MAP4K4: variants seen among roughly 807,000 people sequenced by gnomAD.
MAP4K4 encodes the protein HPK/GCK-like kinase HGK.
Under a neutral mutation model 189.6 loss-of-function variants are expected in MAP4K4, and 38 were observed. That is an observed-to-expected ratio of 0.20 (90% CI 0.15 to 0.26). The LOEUF (loss-of-function observed/expected upper bound fraction) is 0.26, where lower values mean the gene tolerates loss of function less well. Ranked by LOEUF, MAP4K4 falls within the 10% of genes least tolerant of loss-of-function variation. The pLI, the probability that MAP4K4 is intolerant of heterozygous loss-of-function variation, is 1.00. For synonymous variants in MAP4K4, 610 were observed against 624.3 expected, an observed-to-expected ratio of 0.98 and a Z score of 0.34; for missense variants, 1,054 against 1,726.9, an observed-to-expected ratio of 0.61 and a Z score of 6.91.
intron 1 of MAP4K4, 98 bp from the exon 2 acceptor site, chr2:101,698,375 C>T (rs2149088947): frequency 8.4e-7 from 1 of 1,185,020 alleles, no homozygotes. Context: ...CGAAGCCCAC[C>T]TCTTTTGTCA....
intron 3 of MAP4K4, among the ~76,000 whole-genome samples, chr2:101,820,669 G>GT: frequency 6.6e-6 from 1 of 152,184 alleles, no homozygotes; most frequent in Non-Finnish European, 1.5e-5. Flanking sequence ...CCACTACCGT[G>GT]TGCTAAGTCT....
chr2:101,893,758 C>G (rs1023896801), exon 33 of MAP4K4: 1 of 154,342 alleles, frequency 6.5e-6, no homozygotes, highest in African/African-American at 2.4e-5. Context: ...TTACCAAGTG[C>G]TTAGAACTTG....
intron 2 of MAP4K4, among the ~76,000 whole-genome samples, chr2:101,766,462 C>CT (rs1019442456): frequency 8.5e-5 from 13 of 152,106 alleles, no homozygotes; most frequent in African/African-American, 2.9e-4. Context: ...GGCTCCCAGT[C>CT]TTTGGGGGTG....
chr2:101,806,617 A>G (rs532512299), intron 3 of MAP4K4, among the ~76,000 whole-genome samples: 1 of 152,176 alleles, frequency 6.6e-6, no homozygotes, highest in South Asian at 2.1e-4. Flanking sequence ...TGACCTCGTG[A>G]TCCGCCCGCC....
exon 33 of MAP4K4, chr2:101,892,793 C>T (rs1176658628): frequency 2.4e-6 from 1 of 421,264 alleles, no homozygotes; most frequent in Non-Finnish European, 4.9e-6. Flanking sequence ...TAATAAATGT[C>T]TTGAGAAAGA....
At chr2:101,852,276 T>C (rs2097310779) in intron 12 of MAP4K4, among the ~76,000 whole-genome samples, 1 of 152,172 alleles carries the variant, frequency 6.6e-6, no homozygotes, top group Admixed American at 6.5e-5. Flanking sequence ...GAGACCTAAA[T>C]GGATTCCTGA....
intron 2 of MAP4K4, among the ~76,000 whole-genome samples, chr2:101,761,410 C>G (rs2076327873): frequency 6.6e-6 from 1 of 152,062 alleles, no homozygotes; most frequent in Admixed American, 6.6e-5. Flanking sequence ...GCCCAGTCAT[C>G]TAGCATACAT....
chr2:101,797,889 G>GTGTTTTTTTGTTT (rs1553478618), intron 3 of MAP4K4, among the ~76,000 whole-genome samples: 1 of 52,304 alleles, frequency 1.9e-5, no homozygotes, highest in African/African-American at 7.6e-5. Flanking sequence ...CATTCTTTTA[G>GTGTTTTTTTGTTT]TTTTTTTTTT....
intron 18 of MAP4K4, among the ~76,000 whole-genome samples, chr2:101,865,852 A>G (rs1301255212): frequency 6.6e-6 from 1 of 152,206 alleles, no homozygotes; most frequent in Non-Finnish European, 1.5e-5. Context: ...AGCACTGCTA[A>G]TGGCAGGGGG....
At chr2:101,769,846 T>C (rs1239073315) in intron 2 of MAP4K4, among the ~76,000 whole-genome samples, 1 of 152,028 alleles carries the variant, frequency 6.6e-6, no homozygotes, top group Non-Finnish European at 1.5e-5. Context: ...CCTCCTAGAG[T>C]GCTGGGATTA....
At chr2:101,739,285 A>C (rs2061654779) in intron 2 of MAP4K4, among the ~76,000 whole-genome samples, 2 of 152,228 alleles carry the variant, frequency 1.3e-5, no homozygotes, top group Admixed American at 6.5e-5. Context: ...TGTTGCCTTC[A>C]GGTTACAGCA....
intron 3 of MAP4K4, among the ~76,000 whole-genome samples, chr2:101,791,451 T>A (rs1465456992): frequency 1.3e-5 from 2 of 152,068 alleles, no homozygotes; most frequent in African/African-American, 4.8e-5. Context: ...TAGTAATATA[T>A]TATAATGAAC....
chr2:101,779,798 C>G (rs375130854), intron 2 of MAP4K4, among the ~76,000 whole-genome samples: 11 of 145,162 alleles, frequency 7.6e-5, no homozygotes, highest in East Asian at 4.0e-4. Context: ...TGGGGTTTCT[C>G]TTTCACCTCT....
chr2:101,871,473 G>A, intron 23 of MAP4K4, 21 bp from the exon 24 acceptor site: 2 of 1,520,944 alleles, frequency 1.3e-6, no homozygotes, highest in Non-Finnish European at 1.8e-6. Context: ...AGCGAGACAA[G>A]TGTGCCTGTT....
chr2:101,817,332 G>A (rs376724125), intron 3 of MAP4K4, among the ~76,000 whole-genome samples: 4 of 152,076 alleles, frequency 2.6e-5, no homozygotes, highest in African/African-American at 9.7e-5. Flanking sequence ...CACCATGTTC[G>A]TTATTTGTCA....
intron 2 of MAP4K4, among the ~76,000 whole-genome samples, chr2:101,772,999 G>A (rs541710242): frequency 6.6e-6 from 1 of 152,286 alleles, no homozygotes; most frequent in Admixed American, 6.5e-5. Flanking sequence ...TCAGAAAGTG[G>A]AGTACACCAT....
intron 2 of MAP4K4, among the ~76,000 whole-genome samples, chr2:101,748,058 G>T (rs754233294): frequency 6.6e-6 from 1 of 152,250 alleles, no homozygotes; most frequent in East Asian, 1.9e-4. Context: ...ATACATTGTA[G>T]TCTGTTTTCT....
At chr2:101,811,827 T>C (rs946123634) in intron 3 of MAP4K4, among the ~76,000 whole-genome samples, 5 of 152,278 alleles carry the variant, frequency 3.3e-5, no homozygotes, top group East Asian at 1.9e-4. Context: ...TAACAGCAGA[T>C]GGTAAATTTG....
At chr2:101,866,322 C>T in intron 18 of MAP4K4, 106 bp from the exon 19 acceptor site, 4 of 1,027,472 alleles carry the variant, frequency 3.9e-6, no homozygotes, top group South Asian at 1.8e-5. Context: ...TTTTTGTCTC[C>T]CTACACTTTA....
Sources: allele counts gnomAD v4.1 joint callset (sites outside exome capture counted in the v4.1 genomes callset), GRCh38; gene constraint gnomAD v4.1.1; transcripts MANE v1.5; gene names NCBI Gene and HGNC (gene_info 2026-07-23, HGNC 2026-07-21).